The following MMAA variants were observed in gnomAD, a reference collection of about 807,000 sequenced individuals.
MMAA encodes the protein methylmalonic aciduria type A protein, mitochondrial.
A neutral mutation model predicts 45.0 loss-of-function variants in MMAA; 41 were observed. The ratio of observed to expected loss-of-function variants is 0.91; its 90% CI spans 0.71 to 1.18. The LOEUF (loss-of-function observed/expected upper bound fraction) is 1.18, where lower values mean the gene tolerates loss of function less well. Among genes scored for constraint, MMAA ranks in the 50% most tolerant of loss-of-function variants. The probability of loss-of-function intolerance (pLI) is 0.00; values close to 1 mark genes in which losing one functional copy is unlikely to be tolerated. For synonymous variants in MMAA, 154 were observed against 178.2 expected, an observed-to-expected ratio of 0.86 and a Z score of 1.08; for missense variants, 460 against 495.7, an observed-to-expected ratio of 0.93 and a Z score of 0.68.
In MMAA at chr4:145,646,061, C is replaced by G; in HGVS notation, c.638C>G (p.Thr213Ser). Residue 213 changes from threonine to serine, a missense_variant, in exon 4 of 7, where the codon ACT becomes AGT. Transcript: ENST00000649156. ...DMNAYIRPSP[T>S]RGTLGGVTRT... is the part of the protein sequence containing the mutation. ...AATGCATACATCAGGCCATCTCCTA[C>G]TAGAGGAACTTTAGGAGGCGTGACA... The G allele has an allele frequency of 6.2e-7, 1 of 1,614,074 alleles. No homozygotes were observed. Among genetic ancestry groups the G allele is most frequent in the Non-Finnish European group, 8.5e-7 (1 of 1,179,956 alleles).
At chr4:145,649,621 G>A (rs563057489) in intron 4 of MMAA, among the ~76,000 whole-genome samples, 1 of 152,178 alleles carries the variant, frequency 6.6e-6, no homozygotes, top group African/African-American at 2.4e-5. Context: ...ATCATATCTC[G>A]CTGAAAGGAG....
intron 3 of MMAA, among the ~76,000 whole-genome samples, chr4:145,644,192 A>G (rs1390982): frequency 1 from 152,292 of 152,312 alleles, 76,136 homozygotes; most frequent in East Asian, 1. Context: ...GCTAAGACAT[A>G]GGAAAGTAAT....
intron 1 of MMAA, chr4:145,624,293 TAA>T (rs1734151572): frequency 3.8e-6 from 3 of 795,358 alleles, no homozygotes; most frequent in Non-Finnish European, 6.9e-6. Context: ...AGAGGTGAAT[TAA>T]GTAATACTTC....
rs540308692 is a variant in MMAA at position 145,641,454 on chromosome 4, C to T, written c.440-909C>T. Among the ~76,000 whole-genome samples the T allele has an allele frequency of 4.7e-4, 72 of 152,252 alleles. No homozygotes were observed. In the South Asian group the frequency reaches 0.015, roughly 31 times the overall value. ...GGTGTTTAAGATAGTATTGGATCTG[C>T]CCCAAGAATTGTGGTAAAGAGTCAG... On this transcript the variant is annotated intron_variant, in intron 2 of 6. Coordinates refer to ENST00000649156, the MANE Select transcript of MMAA (RefSeq NM_172250.3).
intron 3 of MMAA, among the ~76,000 whole-genome samples, chr4:145,643,829 A>C (rs559209211): frequency 7.2e-5 from 11 of 152,298 alleles, no homozygotes; most frequent in African/African-American, 2.6e-4. Flanking sequence ...ATAGAAAAAA[A>C]TAATAGCTTG....
chr4:145,624,077 A>G, intron 1 of MMAA: 2 of 859,616 alleles, frequency 2.3e-6, no homozygotes, highest in South Asian at 2.6e-5. Flanking sequence ...ACCCAGAAAC[A>G]CAATGATTTG....
At chr4:145,639,005 C>G (rs1202996167) in intron 1 of MMAA, 70 bp from the exon 2 acceptor site, 2 of 800,706 alleles carry the variant, frequency 2.5e-6, no homozygotes, top group African/African-American at 1.7e-5. Flanking sequence ...AAACACTAGG[C>G]TTTCAAATTT....
chr4:145,647,000 A>G (rs1727943180), intron 4 of MMAA, among the ~76,000 whole-genome samples: 1 of 152,134 alleles, frequency 6.6e-6, no homozygotes, highest in African/African-American at 2.4e-5. Context: ...TAAGCAGGAG[A>G]GTGAGAAAAC....
chr4:145,645,200 T>G (rs1463817449), intron 3 of MMAA, among the ~76,000 whole-genome samples: 1 of 151,842 alleles, frequency 6.6e-6, no homozygotes, highest in Non-Finnish European at 1.5e-5. Context: ...GAGTGGAGGG[T>G]GCTCATGGAG....
chr4:145,639,283 A>T lies in MMAA; in HGVS notation c.144A>T (p.Gly48=), dbSNP rs1273110977. 1 of 1,614,096 alleles carries T rather than the reference A, an allele frequency of 6.2e-7. No individual in the cohort carries two copies. The highest frequency in any genetic ancestry group is 1.1e-5 in the South Asian group (1 of 91,062). ...IPCAQPFNSL[G]LHCTKWMLLS... ...GTGCTCAGCCGTTTAATTCTCTTGG[A>T]CTCCATTGTACAAAGTGGATGCTGC... Residue 48 remains glycine, a synonymous_variant, in exon 2 of 7, where the codon GGA becomes GGT. Transcript: ENST00000649156.
At chr4:145,622,715 CA>C (rs1734114122) in intron 1 of MMAA, among the ~76,000 whole-genome samples, 1 of 152,124 alleles carries the variant, frequency 6.6e-6, no homozygotes, top group African/African-American at 2.4e-5. Flanking sequence ...ATGTAAAATA[CA>C]GTGTGTTTGG....
At chr4:145,641,439 A>G (rs1342962747) in intron 2 of MMAA, among the ~76,000 whole-genome samples, 1 of 152,254 alleles carries the variant, frequency 6.6e-6, no homozygotes, top group Non-Finnish European at 1.5e-5. Flanking sequence ...GGTGTTTAAG[A>G]TAGTATTGGA....
intron 1 of MMAA, among the ~76,000 whole-genome samples, chr4:145,628,250 A>G (rs570890329): frequency 1.1e-4 from 17 of 152,346 alleles, no homozygotes; most frequent in Middle Eastern, 3.4e-3. Flanking sequence ...TTCTTACCAT[A>G]GAACTGTATT....
chr4:145,647,275 A>G (rs1727953870), intron 4 of MMAA, among the ~76,000 whole-genome samples: 1 of 152,248 alleles, frequency 6.6e-6, no homozygotes, highest in African/African-American at 2.4e-5. Flanking sequence ...GTAGATTTGC[A>G]GAGAGGAAAA....
intron 5 of MMAA, among the ~76,000 whole-genome samples, chr4:145,651,868 T>A (rs1479560363): frequency 6.6e-6 from 1 of 152,064 alleles, no homozygotes. Flanking sequence ...TCATAAGGAG[T>A]GCACAACCTA....
intron 6 of MMAA, among the ~76,000 whole-genome samples, 164 bp downstream of exon 6, chr4:145,654,307 A>G (rs1276616514): frequency 6.6e-6 from 1 of 152,254 alleles, no homozygotes; most frequent in East Asian, 1.9e-4. Context: ...GATTTTAAAT[A>G]TAATCCTTTA....
intron 2 of MMAA, among the ~76,000 whole-genome samples, chr4:145,640,862 T>G (rs1727760613): frequency 6.6e-6 from 1 of 152,114 alleles, no homozygotes; most frequent in African/African-American, 2.4e-5. Context: ...ACTAGGTGAT[T>G]TGAACCAACC....
rs1260325139 is a variant in MMAA at position 145,646,031 on chromosome 4, A to G, written c.608A>G (p.Asp203Gly). The G allele has an allele frequency of 1.2e-6, 2 of 1,614,114 alleles. No homozygotes were observed. Among genetic ancestry groups the G allele is most frequent in the East Asian group, 4.5e-5 (2 of 44,880 alleles). The change falls in exon 4 of 7, where the codon GAT becomes GGT. Residue 203 changes from aspartate to glycine, a missense_variant. Coordinates refer to ENST00000649156, the MANE Select transcript of MMAA (RefSeq NM_172250.3). ...ACCCGAATGACTGAGTTATCAAGAG[A>G]TATGAATGCATACATCAGGCCATCT... Reference protein sequence around the residue: ...DKTRMTELSRDMNAYIRPSPT... With the variant: ...DKTRMTELSRGMNAYIRPSPT...
intron 1 of MMAA, chr4:145,624,127 G>T: frequency 8.9e-7 from 1 of 1,124,986 alleles, no homozygotes; most frequent in South Asian, 1.2e-5. Context: ...GTGATAATCA[G>T]CAGAAAGGCT....
Sources: gnomAD v4.1 joint callset for allele counts (sites outside exome capture counted in the v4.1 genomes callset) on GRCh38, gnomAD v4.1.1 for gene constraint, MANE v1.5 for transcripts, NCBI Gene and HGNC (gene_info 2026-07-23, HGNC 2026-07-21) for gene names.